The following CCDC27 variants were observed in gnomAD, a reference collection of about 807,000 sequenced individuals.
CCDC27 encodes the protein coiled-coil domain-containing protein 27.
Under a neutral mutation model 80.3 loss-of-function variants are expected in CCDC27, and 80 were observed. The observed-to-expected ratio is 1.00, with a 90% CI of 0.83 to 1.20. The LOEUF (loss-of-function observed/expected upper bound fraction) is 1.20. Among genes scored for constraint, CCDC27 ranks in the 50% most tolerant of loss-of-function variants. CCDC27 has a pLI of 0.00. For synonymous variants in CCDC27, 342 were observed against 334.3 expected (o/e 1.02, Z -0.25); for missense variants, 815 against 809.4 (o/e 1.01, Z -0.08).
In CCDC27 at chr1:3,760,082, G is replaced by T. The variant is rs1315803449; in HGVS notation, c.712-1199G>T. ...CAGCAACAAGTTTGCAGCTGGCATTGTGTGAACTCGGCAGCTCTAACAGGA... is the reference window on the plus strand; with the variant it reads ...CAGCAACAAGTTTGCAGCTGGCATTTTGTGAACTCGGCAGCTCTAACAGGA... On this transcript the variant is annotated intron_variant, in intron 4 of 11. Coordinates refer to ENST00000294600, the MANE Select transcript of CCDC27 (RefSeq NM_152492.3). The surrounding 1 kb of genome is among the most constrained non-coding windows in gnomAD (Gnocchi z 4.3). Among the ~76,000 whole-genome samples the T allele has an allele frequency of 6.6e-6, 1 of 152,216 alleles. No individual in the cohort carries two copies. The highest frequency in any genetic ancestry group is 1.9e-4 in the East Asian group (1 of 5,200).
intron 1 of CCDC27, among the ~76,000 whole-genome samples, chr1:3,753,111 A>T (rs1310179575): frequency 6.6e-6 from 1 of 151,958 alleles, no homozygotes; most frequent in African/African-American, 2.4e-5. Flanking sequence ...GGCCAAGGGG[A>T]GAAGATGTAC....
Position 3,769,786 on chromosome 1 carries a change from G to C in CCDC27, c.1747G>C (p.Glu583Gln), listed in dbSNP as rs143085428. ...VALESSQSRL[E>Q]RLRNKIIQAT... Reference sequence around the variant, plus strand: ...AGTGTTGTCCCTTTGCTCACAGCTCGAGAGGTTAAGGAATAAGATCATCCA... The same window carrying C: ...AGTGTTGTCCCTTTGCTCACAGCTCCAGAGGTTAAGGAATAAGATCATCCA... The change falls in exon 11 of 12, where the codon GAG becomes CAG. Residue 583 changes from glutamate (E) to glutamine (Q), a missense_variant. Transcript: ENST00000294600. The surrounding 1 kb of genome is among the most constrained non-coding windows in gnomAD (Gnocchi z 4.6). 8.2e-5 allele frequency: 132 copies of C among 1,613,296 alleles called. No individual in the cohort carries two copies. In the African/African-American group the frequency reaches 1.4e-3, roughly 17 times the overall value.
intron 5 of CCDC27, among the ~76,000 whole-genome samples, chr1:3,762,341 G>A (rs896644078): frequency 9.2e-5 from 14 of 152,300 alleles, no homozygotes; most frequent in East Asian, 7.7e-4. Context: ...CACAGTGGGC[G>A]TGTGTAAGGC....
At position 3,769,620 on chromosome 1, in the gene CCDC27, C is replaced by A. The variant is rs1174677731; in HGVS notation, c.1744-163C>A. Among the ~76,000 whole-genome samples, 1 of 152,114 alleles carries A rather than the reference C, an allele frequency of 6.6e-6. No homozygotes were observed. The highest frequency in any genetic ancestry group is 2.4e-5 in the African/African-American group (1 of 41,402). On this transcript the variant is annotated intron_variant, in intron 10 of 11. Coordinates refer to ENST00000294600, the MANE Select transcript of CCDC27 (RefSeq NM_152492.3). This position sits in a 1 kb window ranked among gnomAD's most constrained non-coding sequence, Gnocchi z 4.6. Reference sequence around the variant, plus strand: ...CACCTCCTAGCTCTCAGACAATCCACATTGACTTCTCTGACACCTGTTTCC... The same window carrying A: ...CACCTCCTAGCTCTCAGACAATCCAAATTGACTTCTCTGACACCTGTTTCC...
rs1200264266 is a variant in CCDC27 at position 3,766,578 on chromosome 1, G to A, written c.1496G>A (p.Gly499Glu). ...GATAAGAAACACCAAGAGATGATGG[G>A]GCTCATTGAAAAGGACAACCAGCTC... ...REDKKHQEMMGLIEKDNQLLR... is the reference protein window; with the variant it reads ...REDKKHQEMMELIEKDNQLLR... The change falls in exon 9 of 12, where the codon GGG becomes GAG. Residue 499 changes from glycine to glutamate, a missense_variant. Transcript: ENST00000294600. This position sits in a 1 kb window ranked among gnomAD's most constrained non-coding sequence, Gnocchi z 6.1. The A allele has an allele frequency of 6.2e-6, 10 of 1,613,604 alleles. No homozygotes were observed. The highest frequency in any genetic ancestry group is 1.6e-4 in the Middle Eastern group (1 of 6,062).
Position 3,763,978 on chromosome 1 carries a change from G to T in CCDC27, c.1452+142G>T. On this transcript the variant is annotated intron_variant, in intron 8 of 11. Coordinates refer to ENST00000294600, the MANE Select transcript of CCDC27 (RefSeq NM_152492.3). The surrounding 1 kb of genome is among the most constrained non-coding windows in gnomAD (Gnocchi z 7.5). ...CTGGGGTGTCCAGGCAGCTGGCCCAGGGTTGTGCGGCTGATAGCGGCCCCG... is the reference window on the plus strand; with the variant it reads ...CTGGGGTGTCCAGGCAGCTGGCCCATGGTTGTGCGGCTGATAGCGGCCCCG... 7.2e-7 allele frequency: 1 copy of T among 1,387,352 alleles called. No homozygotes were observed. Among genetic ancestry groups the T allele is most frequent in the African/African-American group, 1.5e-5 (1 of 68,530 alleles). The allele number at this position is 1,387,352 out of a possible 1,614,324, so 85.9% of individuals were successfully genotyped here. A position where few individuals can be genotyped will look rare whatever the true frequency, so the allele number is the denominator to read the frequency against.
At chr1:3,758,094 G>C (rs372782704) in intron 4 of CCDC27, among the ~76,000 whole-genome samples, 1 of 152,076 alleles carries the variant, frequency 6.6e-6, no homozygotes, top group Admixed American at 6.6e-5. Flanking sequence ...GTTTGTATAA[G>C]ACTGATGTGA....
chr1:3,752,799 G>A lies in CCDC27; in HGVS notation c.318G>A (p.Thr106=), dbSNP rs374370292. 5.7e-5 allele frequency: 92 copies of A among 1,609,712 alleles called. 1 individual carries two copies. The Middle Eastern group carries it at 6.6e-4, about 12-fold the overall frequency. ...VQTISRYYRK[T]SEPKDAASLT... is the part of the protein sequence containing the mutation. ...CCATCAGCCGCTACTACAGGAAGAC[G>A]GTATGGGGTCCCGGGAGGAGGGCTG... Residue 106 remains threonine (T), a splice_region_variant and synonymous_variant, in exon 1 of 12, where the codon ACG becomes ACA. Coordinates refer to ENST00000294600, the MANE Select transcript of CCDC27 (RefSeq NM_152492.3).
rs199941944 is a variant in CCDC27 at position 3,763,664 on chromosome 1, C to T, written c.1322-42C>T. ...GGCCCTCTCCTTCTGTCCCTCACTGCCCCTGCTTGCTCCTGCTCACCGCCT... is the reference window on the plus strand; with the variant it reads ...GGCCCTCTCCTTCTGTCCCTCACTGTCCCTGCTTGCTCCTGCTCACCGCCT... On this transcript the variant is annotated intron_variant, in intron 7 of 11. Coordinates refer to ENST00000294600, the MANE Select transcript of CCDC27 (RefSeq NM_152492.3). The surrounding 1 kb of genome is among the most constrained non-coding windows in gnomAD (Gnocchi z 7.5). The T allele has an allele frequency of 5.6e-6, 9 of 1,611,236 alleles. No individual in the cohort carries two copies. The African/African-American group carries it at 8.0e-5, about 14-fold the overall frequency.
Position 3,767,533 on chromosome 1 carries a change from C to G in CCDC27, c.1743+88C>G, listed in dbSNP as rs1252120236. On this transcript the variant is annotated intron_variant, in intron 10 of 11. Transcript: ENST00000294600. Reference sequence around the variant, plus strand: ...CTGCCCACCGCCCACCGAGGTAGAACCGGGGTCTGTGTACGCTGGGGCTCG... The same window carrying G: ...CTGCCCACCGCCCACCGAGGTAGAAGCGGGGTCTGTGTACGCTGGGGCTCG... The G allele has an allele frequency of 6.4e-6, 8 of 1,242,194 alleles. No individual in the cohort carries two copies. In the East Asian group the frequency reaches 2.0e-4, roughly 31 times the overall value. The allele number at this position is 1,242,194 out of a possible 1,614,324, so 76.9% of individuals were successfully genotyped here.
Position 3,766,434 on chromosome 1 carries a change from A to C in CCDC27, c.1453-101A>C, listed in dbSNP as rs1489552775. The C allele has an allele frequency of 8.2e-6, 6 of 728,328 alleles. No individual in the cohort carries two copies. The highest frequency in any genetic ancestry group is 1.4e-5 in the Non-Finnish European group (6 of 426,370). 45.1% of individuals were successfully genotyped at this position (728,328 alleles called of 1,614,324 possible). On this transcript the variant is annotated intron_variant, in intron 8 of 11. Transcript: ENST00000294600. The surrounding 1 kb of genome is among the most constrained non-coding windows in gnomAD (Gnocchi z 6.1). ...CTTCAATAGAAATCCCGCTGCTATT[A>C]TTTTAGGGAGCTTTGGGGAAGGAAA...
In CCDC27 at chr1:3,763,833, C is replaced by G; in HGVS notation, c.1449C>G (p.Asp483Glu). 6.2e-7 allele frequency: 1 copy of G among 1,613,976 alleles called. No individual in the cohort carries two copies. Among genetic ancestry groups the G allele is most frequent in the South Asian group, 1.1e-5 (1 of 91,068 alleles). Residue 483 changes from aspartate to glutamate, a missense_variant, in exon 8 of 12, where the codon GAC becomes GAG. Transcript: ENST00000294600. This position sits in a 1 kb window ranked among gnomAD's most constrained non-coding sequence, Gnocchi z 7.5. ...GGCAGCAGCTACAAGCCATGACCGA[C>G]AAGGTGGCCGTGCGCTCAGTACCGG... The part of the protein sequence containing the change: ...ERRQQLQAMT[D>E]KFSNLREDKK...
chr1:3,762,538 C>T, intron 5 of CCDC27, 82 bp from the exon 6 acceptor site: 2 of 1,109,536 alleles, frequency 1.8e-6, no homozygotes, highest in Non-Finnish European at 2.6e-6. Context: ...AGGCCGCTGT[C>T]CCTTCTAGGA....
rs1009160129 is a variant in CCDC27, at chr1:3,761,658, G to T, written c.861+228G>T. On this transcript the variant is annotated intron_variant, in intron 5 of 11. Coordinates refer to ENST00000294600, the MANE Select transcript of CCDC27 (RefSeq NM_152492.3). This position sits in a 1 kb window ranked among gnomAD's most constrained non-coding sequence, Gnocchi z 5.0. ...AGAGCCATGAGCTGATGCAACAGGG[G>T]GGGGAGAGATGAATGGAGGCGCAAA... Among the ~76,000 whole-genome samples, 3 of 152,264 alleles carry T rather than the reference G, an allele frequency of 2.0e-5. No individual in the cohort carries two copies. The highest frequency in any genetic ancestry group is 2.1e-4 in the South Asian group (1 of 4,824).
Position 3,763,846 on chromosome 1 carries a change from C to G in CCDC27, c.1452+10C>G, listed in dbSNP as rs200221788. 3.7e-6 allele frequency: 6 copies of G among 1,613,454 alleles called. No individual in the cohort carries two copies. Among genetic ancestry groups the G allele is most frequent in the Non-Finnish European group, 5.1e-6 (6 of 1,179,776 alleles). On this transcript the variant is annotated intron_variant, in intron 8 of 11. Coordinates refer to ENST00000294600, the MANE Select transcript of CCDC27 (RefSeq NM_152492.3). This position sits in a 1 kb window ranked among gnomAD's most constrained non-coding sequence, Gnocchi z 7.5. ...AGCCATGACCGACAAGGTGGCCGTG[C>G]GCTCAGTACCGGCCTCCGCTCCATG...
At chr1:3,762,307 G>C (rs535974329) in intron 5 of CCDC27, among the ~76,000 whole-genome samples, 9 of 152,278 alleles carry the variant, frequency 5.9e-5, no homozygotes, top group Admixed American at 4.6e-4. Flanking sequence ...GTGTCTGAGG[G>C]TGGGCCACCC....
chr1:3,755,108 G>T (rs548415197), intron 2 of CCDC27, among the ~76,000 whole-genome samples: 11 of 152,218 alleles, frequency 7.2e-5, no homozygotes, highest in Non-Finnish European at 1.5e-4. Flanking sequence ...GATGGTTTAG[G>T]GGAAACAGGG....
In CCDC27 at chr1:3,755,463, C is replaced by T. The variant is rs149911658; in HGVS notation, c.449C>T (p.Pro150Leu). 1 of 1,613,906 alleles carries T rather than the reference C, an allele frequency of 6.2e-7. No homozygotes were observed. Among genetic ancestry groups the T allele is most frequent in the African/African-American group, 1.3e-5 (1 of 74,926 alleles). ...RATSMSHCGS[P>L]TEADLSGEID... ...CATCTTTAACACTCTACAGGTTCAC[C>T]CACTGAGGCCGATTTGTCCGGAGAG... is the stretch of plus-strand genomic sequence containing the variant. The change falls in exon 3 of 12, where the codon CCC (proline) becomes CTC (leucine). Residue 150 changes from proline (P) to leucine (L), a missense_variant. Transcript: ENST00000294600.
chr1:3,757,712 A>G (rs1168930104), intron 4 of CCDC27, among the ~76,000 whole-genome samples: 1 of 152,132 alleles, frequency 6.6e-6, no homozygotes, highest in Non-Finnish European at 1.5e-5. Context: ...CCACGAGGTC[A>G]GGAGATCGAG....
Sources: gnomAD v4.1 joint callset for allele counts (sites outside exome capture counted in the v4.1 genomes callset) on GRCh38, gnomAD v4.1.1 for gene constraint, Gnocchi (gnomAD v3.1) non-coding constraint, MANE v1.5 for transcripts, NCBI Gene and HGNC (gene_info 2026-07-23, HGNC 2026-07-21) for gene names.